The following PRUNE2 variants were observed in gnomAD, a reference collection of about 807,000 sequenced individuals.
PRUNE2 encodes prune homolog 2 with BCH domain.
Under a neutral mutation model 252.0 loss-of-function variants are expected in PRUNE2, and 164 were observed. The observed-to-expected ratio is 0.65, with a 90% CI of 0.57 to 0.74. PRUNE2 has a LOEUF of 0.74. Among genes scored for constraint, PRUNE2 ranks in the 30% least tolerant of loss-of-function variants. The pLI is 0.00. For missense variants in PRUNE2, 3,495 were observed against 3,711.0 expected (o/e 0.94, Z 1.51); for synonymous variants, 1,292 against 1,350.2 (o/e 0.96, Z 0.94).
In PRUNE2 at chr9:76,713,653, G is replaced by T; in HGVS notation, c.825C>A (p.Val275=). The change falls in exon 7 of 19, where the codon GTC becomes GTA. Residue 275 remains valine (V), a synonymous_variant. Coordinates refer to ENST00000376718, the MANE Select transcript of PRUNE2 (RefSeq NM_015225.3). Reference sequence around the variant, plus strand: ...ACAGATAGCTGGAGAACAGGATGAGGACATCAAAACCAAACTTGTCTGTAA... The same window carrying T: ...ACAGATAGCTGGAGAACAGGATGAGTACATCAAAACCAAACTTGTCTGTAA... ...KAFTDKFGFD[V]LILFSSYLSE... 6.2e-7 allele frequency: 1 copy of T among 1,601,034 alleles called. No individual in the cohort carries two copies. Among genetic ancestry groups the T allele is most frequent in the Non-Finnish European group, 8.5e-7 (1 of 1,173,420 alleles).
chr9:76,892,457 CA>C (rs2062543169), intron 1 of PRUNE2, among the ~76,000 whole-genome samples: 1 of 152,110 alleles, frequency 6.6e-6, no homozygotes, highest in Non-Finnish European at 1.5e-5. Context: ...TAATTCTAAA[CA>C]GGAGAAAATG....
intron 1 of PRUNE2, among the ~76,000 whole-genome samples, chr9:76,861,166 A>G (rs1766310533): frequency 1.3e-5 from 2 of 152,180 alleles, no homozygotes; most frequent in South Asian, 4.1e-4. Flanking sequence ...AGATGTCCAG[A>G]GGCGAGGCAA....
chr9:76,793,020 A>G (rs2055705585), intron 6 of PRUNE2, among the ~76,000 whole-genome samples: 1 of 152,244 alleles, frequency 6.6e-6, no homozygotes, highest in Non-Finnish European at 1.5e-5. Flanking sequence ...GCTTAGGGCT[A>G]AAGAATTTGT....
chr9:76,655,451 C>T lies in PRUNE2; in HGVS notation c.8328G>A (p.Leu2776=), dbSNP rs1210594885. 1 of 1,612,722 alleles carries T rather than the reference C, an allele frequency of 6.2e-7. No individual in the cohort carries two copies. The highest frequency in any genetic ancestry group is 8.5e-7 in the Non-Finnish European group (1 of 1,179,436). Residue 2776 remains leucine (L), a synonymous_variant, in exon 10 of 19, where the codon CTG becomes CTA. Transcript: ENST00000376718. ...GCCTCATGTCTGCAGCACTGGGACT[C>T]AGCACGCCCTCTTCAAAGGGGATGT... The part of the protein sequence containing the change: ...GMDIPFEEGV[L]SPSAADMRPE...
chr9:76,746,330 G>C (rs1010934061), intron 6 of PRUNE2, among the ~76,000 whole-genome samples: 1 of 152,202 alleles, frequency 6.6e-6, no homozygotes, highest in African/African-American at 2.4e-5. Context: ...CTCGGGAGAA[G>C]GCAGGCAGGC....
In PRUNE2 at chr9:76,826,749, A is replaced by C. The variant is rs577138118; in HGVS notation, c.509-17T>G. 1.8e-4 allele frequency: 284 copies of C among 1,578,174 alleles called. 7 individuals are homozygous for C. The South Asian group carries it at 3.2e-3, about 18-fold the overall frequency. The stretch of plus-strand genomic sequence containing the variant: ...GAATGCTACCTGAAAGGTATGAATA[A>C]AAATGCTCTTAAAGCTTTCCAGCCA... On this transcript the variant is annotated splice_polypyrimidine_tract_variant and intron_variant, in intron 4 of 18. Coordinates refer to ENST00000376718, the MANE Select transcript of PRUNE2 (RefSeq NM_015225.3).
At chr9:76,873,544 C>G (rs535009697) in intron 1 of PRUNE2, among the ~76,000 whole-genome samples, 1 of 152,272 alleles carries the variant, frequency 6.6e-6, no homozygotes, top group South Asian at 2.1e-4. Context: ...ATCTCCCAAA[C>G]GAGGCGCCAG....
chr9:76,821,849 G>A (rs1181701730), intron 6 of PRUNE2, among the ~76,000 whole-genome samples: 5 of 152,006 alleles, frequency 3.3e-5, no homozygotes. Flanking sequence ...ATAAATTGAG[G>A]TACATTAAAG....
chr9:76,806,892 G>A (rs12350796), intron 6 of PRUNE2, among the ~76,000 whole-genome samples: 1 of 151,954 alleles, frequency 6.6e-6, no homozygotes, highest in Non-Finnish European at 1.5e-5. Flanking sequence ...GTAGTTACTA[G>A]TATGATGCCA....
Position 76,827,594 on chromosome 9 carries a change from C to T in PRUNE2, c.509-862G>A, listed in dbSNP as rs187752586. ...AATCAAAGTACTACCGTCTCTGTTTCAGTGTAGCCTTAACGCCAGTCATGG... is the reference window on the plus strand; with the variant it reads ...AATCAAAGTACTACCGTCTCTGTTTTAGTGTAGCCTTAACGCCAGTCATGG... On this transcript the variant is annotated intron_variant, in intron 4 of 18. Transcript: ENST00000376718. Among the ~76,000 whole-genome samples the T allele has an allele frequency of 4.1e-4, 63 of 152,258 alleles. 1 individual carries two copies. Among genetic ancestry groups the T allele is most frequent in the Middle Eastern group, 3.4e-3 (1 of 294 alleles).
intron 6 of PRUNE2, among the ~76,000 whole-genome samples, chr9:76,724,641 G>A (rs531465353): frequency 6.6e-6 from 1 of 152,284 alleles, no homozygotes; most frequent in South Asian, 2.1e-4. Context: ...AATAAAAGTA[G>A]TCCCAGGCAC....
chr9:76,859,888 A>G (rs2060458430), intron 1 of PRUNE2, among the ~76,000 whole-genome samples: 2 of 152,080 alleles, frequency 1.3e-5, no homozygotes. Context: ...TTTAGTAGAG[A>G]TGGGGTTTCA....
intron 6 of PRUNE2, among the ~76,000 whole-genome samples, chr9:76,727,667 C>A (rs1321239509): frequency 1.7e-5 from 2 of 120,858 alleles, no homozygotes; most frequent in Admixed American, 8.9e-5. Flanking sequence ...TTTTGTCAAG[C>A]AAAGTTGTAC....
chr9:76,721,572 T>C (rs1356950919), intron 6 of PRUNE2, among the ~76,000 whole-genome samples: 1 of 152,222 alleles, frequency 6.6e-6, no homozygotes, highest in Non-Finnish European at 1.5e-5. Context: ...ATATGTCACT[T>C]GTAGTAAAAT....
chr9:76,847,954 G>A (rs1219055489), intron 3 of PRUNE2, among the ~76,000 whole-genome samples: 1 of 152,092 alleles, frequency 6.6e-6, no homozygotes, highest in African/African-American at 2.4e-5. Context: ...GTGTCTCTTT[G>A]TATTTGCTGG....
rs951620136 is a variant in PRUNE2 at position 76,711,215 on chromosome 9, G to T, written c.1059C>A (p.Ile353=). The T allele has an allele frequency of 1.9e-6, 3 of 1,613,792 alleles. No individual in the cohort carries two copies. Among genetic ancestry groups the T allele is most frequent in the Non-Finnish European group, 2.5e-6 (3 of 1,179,876 alleles). Residue 353 remains isoleucine (I), a synonymous_variant, in exon 8 of 19, where the codon ATC becomes ATA. Coordinates refer to ENST00000376718, the MANE Select transcript of PRUNE2 (RefSeq NM_015225.3). ...AGACCATCTCTGGACACCTCCTGTT[G>T]ATGACTTCCTTGACAACGAGAACCA... ...DQVVLVVKEV[I]NRRCPEMVSN...
chr9:76,842,039 A>T (rs1241943583), intron 4 of PRUNE2, among the ~76,000 whole-genome samples: 1 of 152,242 alleles, frequency 6.6e-6, no homozygotes, highest in Non-Finnish European at 1.5e-5. Flanking sequence ...TAGCCAAGAC[A>T]ATCCTAAGCA....
chr9:76,756,859 C>T (rs1044679635), intron 6 of PRUNE2, among the ~76,000 whole-genome samples: 2 of 151,914 alleles, frequency 1.3e-5, no homozygotes, highest in African/African-American at 4.8e-5. Flanking sequence ...CCTGCCCCCC[C>T]GTGATACTTA....
At position 76,629,225 on chromosome 9, in the gene PRUNE2, A is replaced by G. The variant is rs752338265; in HGVS notation, c.9116T>C (p.Met3039Thr). The G allele has an allele frequency of 6.2e-7, 1 of 1,607,792 alleles. No homozygotes were observed. Among genetic ancestry groups the G allele is most frequent in the African/African-American group, 1.3e-5 (1 of 74,834 alleles). The change falls in exon 16 of 19, where the codon ATG (methionine) becomes ACG (threonine). Residue 3039 changes from methionine (M) to threonine (T), a missense_variant. By Grantham distance (81) the Met-to-Thr change is moderately conservative. Transcript: ENST00000376718. ...GCTCTCTGGAATGTGGATGCAATCC[A>G]TTGGGATCAGCCCACTGAGTTCTGA... ...SLSELSGLIP[M>T]DCIHIPESII...
Sources: gnomAD v4.1 joint callset for allele counts (sites outside exome capture counted in the v4.1 genomes callset) on GRCh38, gnomAD v4.1.1 for gene constraint, MANE v1.5 for transcripts, NCBI Gene and HGNC (gene_info 2026-07-23, HGNC 2026-07-21) for gene names.